Variants in CDC123 observed in about 807,000 individuals in gnomAD.
CDC123 encodes cell division cycle 123, also known as translation initiation factor eIF2 assembly protein.
CDC123 carries 37 observed loss-of-function variants against 54.4 expected under a neutral mutation model. The ratio of observed to expected loss-of-function variants is 0.68; its 90% CI spans 0.52 to 0.89. The LOEUF is 0.89. CDC123 is among the 40% of genes least tolerant of loss of function. The pLI is 0.00. For missense variants in CDC123, 361 were observed against 412.1 expected (o/e 0.88, Z 1.07); for synonymous variants, 144 against 136.8 (o/e 1.05, Z -0.37).
intron 7 of CDC123, among the ~76,000 whole-genome samples, chr10:12,232,314 T>G (rs947614172): frequency 1.3e-5 from 2 of 152,122 alleles, no homozygotes; most frequent in Non-Finnish European, 2.9e-5. Context: ...AAAATTACAT[T>G]TTCATTTTTG....
Position 12,250,474 on chromosome 10 carries a change from A to G in CDC123, c.*137A>G, listed in dbSNP as rs1836226467. On this transcript the variant is annotated 3_prime_UTR_variant, in exon 13 of 13. Coordinates refer to ENST00000281141, the MANE Select transcript of CDC123 (RefSeq NM_006023.3). Reference sequence around the variant, plus strand: ...TCAGCCACTTTTTATATTCATGTACATTCACCTGGGGAAAAAAACGGAGGG... The same window carrying G: ...TCAGCCACTTTTTATATTCATGTACGTTCACCTGGGGAAAAAAACGGAGGG... The G allele has an allele frequency of 2.7e-6, 2 of 738,332 alleles. No individual in the cohort carries two copies. The highest frequency in any genetic ancestry group is 5.0e-6 in the Non-Finnish European group (2 of 399,164). The allele number at this position is 738,332 out of a possible 1,614,324, so 45.7% of individuals were successfully genotyped here.
intron 2 of CDC123, among the ~76,000 whole-genome samples, chr10:12,199,918 G>A (rs1191838964): frequency 6.6e-6 from 1 of 151,842 alleles, no homozygotes; most frequent in Non-Finnish European, 1.5e-5. Context: ...TGCCTCCCGG[G>A]TTCACGCTAT....
intron 2 of CDC123, among the ~76,000 whole-genome samples, chr10:12,200,914 C>A (rs1268782702): frequency 6.8e-6 from 1 of 148,128 alleles, no homozygotes; most frequent in African/African-American, 2.5e-5. Flanking sequence ...GCCTGGACAA[C>A]AAGAGCTAAA....
At chr10:12,202,188 C>G (rs1835448712) in intron 2 of CDC123, among the ~76,000 whole-genome samples, 1 of 152,160 alleles carries the variant, frequency 6.6e-6, no homozygotes, top group African/African-American at 2.4e-5. Context: ...GCGAATGTTG[C>G]TAAATGGTTA....
chr10:12,203,850 T>C (rs1196072541), intron 2 of CDC123, among the ~76,000 whole-genome samples: 1 of 152,114 alleles, frequency 6.6e-6, no homozygotes, highest in African/African-American at 2.4e-5. Flanking sequence ...TCTAGCACTT[T>C]AGGAGGCGGA....
At chr10:12,226,922 T>C (rs996738962) in intron 6 of CDC123, among the ~76,000 whole-genome samples, 1 of 151,266 alleles carries the variant, frequency 6.6e-6, no homozygotes, top group African/African-American at 2.4e-5. Flanking sequence ...AGGTGGAGGT[T>C]GTAGCGAGCC....
At chr10:12,248,885 A>G (rs562568104) in intron 11 of CDC123, among the ~76,000 whole-genome samples, 29 of 151,518 alleles carry the variant, frequency 1.9e-4, no homozygotes, top group East Asian at 2.0e-4. Flanking sequence ...CGAGGCAGGC[A>G]GATCACCTGA....
At chr10:12,226,001 A>T (rs1170631920) in intron 6 of CDC123, among the ~76,000 whole-genome samples, 1 of 151,896 alleles carries the variant, frequency 6.6e-6, no homozygotes, top group African/African-American at 2.4e-5. Context: ...TGTTTAACAA[A>T]GCACATCTTG....
At chr10:12,221,862 AT>A (rs1157409524) in intron 6 of CDC123, among the ~76,000 whole-genome samples, 3 of 151,922 alleles carry the variant, frequency 2.0e-5, no homozygotes, top group Non-Finnish European at 4.4e-5. Flanking sequence ...GCCCAAGACA[AT>A]TCTTCCTCTA....
chr10:12,215,651 C>A, intron 4 of CDC123, 89 bp from the exon 5 acceptor site: 1 of 650,342 alleles, frequency 1.5e-6, no homozygotes, highest in South Asian at 3.3e-5. Context: ...TTTTTAACAC[C>A]CTAAACTATA....
chr10:12,243,277 A>G (rs1304806106), intron 10 of CDC123, among the ~76,000 whole-genome samples: 2 of 151,982 alleles, frequency 1.3e-5, no homozygotes, highest in Non-Finnish European at 2.9e-5. Context: ...GCATACCTGT[A>G]GTCCCAGCTA....
chr10:12,218,931 T>C (rs1835696707), intron 6 of CDC123, among the ~76,000 whole-genome samples: 1 of 152,220 alleles, frequency 6.6e-6, no homozygotes, highest in Non-Finnish European at 1.5e-5. Context: ...TTTCTTCCTG[T>C]TGCATCTTAA....
chr10:12,237,503 C>T (rs115448633), intron 9 of CDC123: 3,312 of 216,328 alleles, frequency 0.015, 118 homozygotes, highest in African/African-American at 0.071. Context: ...GGTGCGATCG[C>T]GGCTCGTGCA....
chr10:12,220,016 A>G (rs1835714480), intron 6 of CDC123, among the ~76,000 whole-genome samples: 1 of 152,132 alleles, frequency 6.6e-6, no homozygotes, highest in Non-Finnish European at 1.5e-5. Flanking sequence ...TATTTTTAGT[A>G]GAGAAGCGGA....
chr10:12,218,247 CTTTTTTT>C (rs34125393), intron 6 of CDC123, among the ~76,000 whole-genome samples: 12 of 119,212 alleles, frequency 1.0e-4, no homozygotes, highest in African/African-American at 3.5e-4. Context: ...CTTTTTTTTT[CTTTTTTT>C]TTTTTTTTTT....
chr10:12,223,282 ATTTTAT>A (rs759118651), intron 6 of CDC123, among the ~76,000 whole-genome samples: 8 of 150,022 alleles, frequency 5.3e-5, no homozygotes, highest in African/African-American at 9.8e-5. Flanking sequence ...TATGTATTTT[ATTTTAT>A]TTTTATTTTT....
chr10:12,196,606 G>A (rs1024580874), intron 1 of CDC123, among the ~76,000 whole-genome samples: 1 of 152,144 alleles, frequency 6.6e-6, no homozygotes, highest in Non-Finnish European at 1.5e-5. Context: ...AATGGCCCCA[G>A]GCGCAAGGTG....
intron 10 of CDC123, 51 bp from the exon 11 acceptor site, chr10:12,246,098 G>T (rs775918770): frequency 6.3e-7 from 1 of 1,582,082 alleles, no homozygotes; most frequent in East Asian, 2.3e-5. Context: ...TTTCTCAGAA[G>T]ACAGAGTACA....
intron 11 of CDC123, 71 bp downstream of exon 11, chr10:12,246,348 G>C (rs150878504): frequency 1.3e-6 from 2 of 1,553,692 alleles, no homozygotes; most frequent in East Asian, 2.3e-5. Flanking sequence ...TTCTTCAGAC[G>C]CATAGGTAGG....
Sources: allele counts gnomAD v4.1 joint callset (sites outside exome capture counted in the v4.1 genomes callset), GRCh38; gene constraint gnomAD v4.1.1; transcripts MANE v1.5; gene names NCBI Gene and HGNC (gene_info 2026-07-23, HGNC 2026-07-21).